KANK4: variants seen among roughly 807,000 people sequenced by gnomAD.
KANK4 encodes KN motif and ankyrin repeat domains 4.
Under a neutral mutation model 80.8 loss-of-function variants are expected in KANK4, and 50 were observed. That is an observed-to-expected ratio of 0.62 (90% CI 0.49 to 0.78). The LOEUF (loss-of-function observed/expected upper bound fraction) is 0.78. KANK4 is among the 30% of genes least tolerant of loss of function. The probability of loss-of-function intolerance (pLI) is 0.00; values close to 1 mark genes in which losing one functional copy is unlikely to be tolerated. For synonymous variants in KANK4, 465 were observed against 506.9 expected (o/e 0.92, Z 1.11); for missense variants, 1,196 against 1,240.1 (o/e 0.96, Z 0.53).
chr1:62,312,343 G>A (rs1644504271), intron 1 of KANK4, among the ~76,000 whole-genome samples: 2 of 152,194 alleles, frequency 1.3e-5, no homozygotes, highest in African/African-American at 4.8e-5. Flanking sequence ...CAAATACACT[G>A]TGGATTGTTG....
intron 1 of KANK4, among the ~76,000 whole-genome samples, chr1:62,297,148 C>T (rs531268085): frequency 6.6e-6 from 1 of 152,118 alleles, no homozygotes; most frequent in East Asian, 1.9e-4. Context: ...ACCCGGGAGA[C>T]GGAGGTTACA....
At chr1:62,238,794 A>C (rs1671271304) in intron 9 of KANK4, among the ~76,000 whole-genome samples, 1 of 151,808 alleles carries the variant, frequency 6.6e-6, no homozygotes, top group South Asian at 2.1e-4. Flanking sequence ...CATGCCTGGA[A>C]AATTTTTGTA....
intron 4 of KANK4, among the ~76,000 whole-genome samples, chr1:62,268,753 A>G (rs1672090084): frequency 6.6e-6 from 1 of 152,156 alleles, no homozygotes. Flanking sequence ...CTTATTGTCA[A>G]AATAATTAAC....
Position 62,247,386 on chromosome 1 carries a change from C to T in KANK4, c.2883+86G>A, listed in dbSNP as rs780249497. ...AACTCCTGGGCTCAAGTGATCCTCC[C>T]GCCTCAGCCTCCCAAAGTGCTGGGG... On this transcript the variant is annotated intron_variant, in intron 9 of 9. Transcript: ENST00000371153. 530 of 1,189,216 alleles carry T rather than the reference C, an allele frequency of 4.5e-4. 3 individuals carry two copies. The highest frequency in any genetic ancestry group is 2.0e-3 in the Middle Eastern group (8 of 4,020). The allele number at this position is 1,189,216 out of a possible 1,614,324, so 73.7% of individuals were successfully genotyped here. A position where few individuals can be genotyped will look rare whatever the true frequency, so the allele number is the denominator to read the frequency against.
intron 1 of KANK4, among the ~76,000 whole-genome samples, chr1:62,295,144 C>CT (rs57158084): frequency 0.36 from 52,885 of 147,438 alleles, 10,151 homozygotes; most frequent in East Asian, 0.78. Flanking sequence ...CACATCTTTT[C>CT]TTTTTTTTTT....
chr1:62,255,076 C>T (rs1031744054), intron 7 of KANK4, among the ~76,000 whole-genome samples: 5 of 145,318 alleles, frequency 3.4e-5, no homozygotes, highest in Middle Eastern at 4.0e-3. Flanking sequence ...TAGTAGAGAC[C>T]GGGTTTCACC....
At chr1:62,309,825 T>G (rs1644483645) in intron 1 of KANK4, among the ~76,000 whole-genome samples, 1 of 152,154 alleles carries the variant, frequency 6.6e-6, no homozygotes, top group South Asian at 2.1e-4. Flanking sequence ...AAGAGCTGCC[T>G]GGAGAAGACA....
At chr1:62,311,711 C>T (rs566145146) in intron 1 of KANK4, among the ~76,000 whole-genome samples, 3 of 152,160 alleles carry the variant, frequency 2.0e-5, no homozygotes, top group Admixed American at 6.5e-5. Context: ...TGGGATTAAC[C>T]AAGCAATCAG....
At chr1:62,256,568 A>T (rs1671756869) in intron 7 of KANK4, among the ~76,000 whole-genome samples, 1 of 152,154 alleles carries the variant, frequency 6.6e-6, no homozygotes, top group Non-Finnish European at 1.5e-5. Context: ...GTTTTAGCAG[A>T]GATGGGGTTT....
rs58770794 is a variant in KANK4 at position 62,269,574 on chromosome 1, C to A, written c.2013-1069G>T. The stretch of plus-strand genomic sequence containing the variant: ...CATATTACATTTACCAAACAGTGCT[C>A]ATCTTGGAACTGCTTCCATAAAAAC... On this transcript the variant is annotated intron_variant, in intron 4 of 9. Transcript: ENST00000371153. Among the ~76,000 whole-genome samples the A allele has an allele frequency of 2.8e-3, 430 of 152,262 alleles. 3 individuals are homozygous for A. Among genetic ancestry groups the A allele is most frequent in the African/African-American group, 0.01 (417 of 41,544 alleles).
At chr1:62,291,887 G>A (rs1333890973) in intron 1 of KANK4, among the ~76,000 whole-genome samples, 1 of 152,202 alleles carries the variant, frequency 6.6e-6, no homozygotes, top group East Asian at 1.9e-4. Flanking sequence ...AATTATAGGT[G>A]TGAGCTACCA....
chr1:62,254,090 C>G (rs1671692317), intron 7 of KANK4, among the ~76,000 whole-genome samples: 1 of 152,000 alleles, frequency 6.6e-6, no homozygotes, highest in African/African-American at 2.4e-5. Context: ...GTGCCAAGTA[C>G]CAGGAGGGTG....
chr1:62,257,061 G>A (rs951559448), intron 7 of KANK4, among the ~76,000 whole-genome samples: 1 of 152,064 alleles, frequency 6.6e-6, no homozygotes, highest in African/African-American at 2.4e-5. Context: ...AAGGGACTAG[G>A]AGGGGCTAAG....
chr1:62,263,183 A>G lies in KANK4; in HGVS notation c.2448T>C (p.Leu816=). ...TCCCGTTGTGATCGGCCAAGTTGAC[A>G]AGCAGTTTCAGGAAGTGTGGGGAGT... ...QPHSPHFLKL[L]VNLADHNGNT... is the part of the protein sequence containing the mutation. Residue 816 remains leucine, a synonymous_variant, in exon 7 of 10, where the codon CTT becomes CTC. Transcript: ENST00000371153. 6.2e-7 allele frequency: 1 copy of G among 1,614,010 alleles called. No individual in the cohort carries two copies. The highest frequency in any genetic ancestry group is 8.5e-7 in the Non-Finnish European group (1 of 1,179,940).
chr1:62,282,262 G>C (rs922556137), intron 1 of KANK4, among the ~76,000 whole-genome samples: 1 of 152,170 alleles, frequency 6.6e-6, no homozygotes, highest in African/African-American at 2.4e-5. Flanking sequence ...CCCTGGCTCT[G>C]AATTAGTGTG....
chr1:62,285,097 C>T (rs1195472649), intron 1 of KANK4, among the ~76,000 whole-genome samples: 5 of 152,224 alleles, frequency 3.3e-5, no homozygotes, highest in Non-Finnish European at 7.3e-5. Context: ...GTCCAAGTTA[C>T]AAACGAGGAA....
At chr1:62,311,827 C>A (rs1158249722) in intron 1 of KANK4, among the ~76,000 whole-genome samples, 1 of 152,182 alleles carries the variant, frequency 6.6e-6, no homozygotes, top group Non-Finnish European at 1.5e-5. Context: ...GTCTTCTACC[C>A]AAACCACAAA....
intron 8 of KANK4, 70 bp downstream of exon 8, chr1:62,252,997 C>T: frequency 1.3e-6 from 2 of 1,550,788 alleles, no homozygotes; most frequent in Non-Finnish European, 1.8e-6. Context: ...AATTTCTCAC[C>T]CCACTAGCAG....
At chr1:62,269,833 TTTAA>T (rs1458099708) in intron 4 of KANK4, among the ~76,000 whole-genome samples, 3 of 152,218 alleles carry the variant, frequency 2.0e-5, no homozygotes, top group Admixed American at 6.5e-5. Context: ...GAGTGGCTAC[TTTAA>T]TTAGAGCAGA....
Sources: allele counts gnomAD v4.1 joint callset (sites outside exome capture counted in the v4.1 genomes callset), GRCh38; gene constraint gnomAD v4.1.1; transcripts MANE v1.5; gene names NCBI Gene and HGNC (gene_info 2026-07-23, HGNC 2026-07-21).